AVEN: variants seen among roughly 807,000 people sequenced by gnomAD.
The protein encoded by AVEN is cell death regulator Aven.
AVEN carries 41 observed loss-of-function variants against 38.1 expected under a neutral mutation model. That is an observed-to-expected ratio of 1.08 (90% CI 0.84 to 1.40). The LOEUF (loss-of-function observed/expected upper bound fraction) is 1.40. Among genes scored for constraint, AVEN ranks in the 40% most tolerant of loss-of-function variants. The pLI is 0.00. For missense variants in AVEN, 605 were observed against 438.8 expected (o/e 1.38, Z -3.38); for synonymous variants, 206 against 171.8 (o/e 1.20, Z -1.56).
rs117591652 is a variant in AVEN at position 34,061,490 on chromosome 15, A to G, written n.1637+1432T>C. On this transcript the variant is annotated intron_variant and non_coding_transcript_variant, in intron 5 of 11. Transcript: ENST00000675287. ...AAGGCACCCATTTAAAATAATTATT[A>G]GTATATGCATAGGGGAAATTGTATT... Among the ~76,000 whole-genome samples, 38 of 152,344 alleles carry G rather than the reference A, an allele frequency of 2.5e-4. No individual in the cohort carries two copies. The East Asian group carries it at 6.7e-3, about 27-fold the overall frequency.
intron 2 of AVEN, among the ~76,000 whole-genome samples, chr15:33,917,503 G>A (rs949766545): frequency 7.8e-5 from 9 of 115,166 alleles, no homozygotes; most frequent in Non-Finnish European, 1.2e-4. Flanking sequence ...ATATACACAC[G>A]GAATAATTCA....
At chr15:33,869,452 G>T (rs918742819) in intron 4 of AVEN, among the ~76,000 whole-genome samples, 4 of 152,052 alleles carry the variant, frequency 2.6e-5, no homozygotes, top group Admixed American at 2.6e-4. Flanking sequence ...TTTCCCTGGT[G>T]AGTTCTGCTA....
chr15:33,895,881 G>C lies in AVEN; in HGVS notation c.446-19886C>G, dbSNP rs549295751. ...TTATATCCAGCCATGATGGAGGCTA[G>C]GGATCAAATGTACCCTCCTACCTGA... On this transcript the variant is annotated intron_variant, in intron 2 of 5. Coordinates refer to ENST00000306730, the MANE Select transcript of AVEN (RefSeq NM_020371.3). Among the ~76,000 whole-genome samples the C allele has an allele frequency of 7.9e-5, 12 of 152,240 alleles. No individual in the cohort carries two copies. The South Asian group carries it at 2.3e-3, about 29-fold the overall frequency.
At chr15:33,961,586 GGCGA>G (rs1323752743) in intron 2 of AVEN, among the ~76,000 whole-genome samples, 2 of 151,820 alleles carry the variant, frequency 1.3e-5, no homozygotes, top group African/African-American at 2.4e-5. Flanking sequence ...GGCCAAGGTG[GGCGA>G]ATCACGAGGT....
At chr15:34,038,644 C>G in intron 1 of AVEN, 136 bp downstream of exon 1, 1 of 777,760 alleles carries the variant, frequency 1.3e-6, no homozygotes, top group Non-Finnish European at 1.6e-6. Flanking sequence ...ACCATCCGCC[C>G]GTCCCGCGCA....
chr15:33,885,890 T>C (rs1405649081), intron 2 of AVEN, among the ~76,000 whole-genome samples: 1 of 152,172 alleles, frequency 6.6e-6, no homozygotes, highest in Non-Finnish European at 1.5e-5. Flanking sequence ...GTATATGACC[T>C]AGTAAAAATT....
At chr15:33,947,787 T>C (rs557878318) in intron 2 of AVEN, among the ~76,000 whole-genome samples, 1 of 152,340 alleles carries the variant, frequency 6.6e-6, no homozygotes, top group East Asian at 1.9e-4. Context: ...GGGTCAACTG[T>C]AATTAAATAA....
chr15:33,858,636 C>G (rs1185852757), downstream of AVEN: 2 of 62,748 alleles, frequency 3.2e-5, no homozygotes, highest in Non-Finnish European at 1.1e-4. Flanking sequence ...TTTCAGCAAG[C>G]CAGTCGGAGG....
At chr15:34,073,977 T>TTTC (rs1452622824) in intron 1 of AVEN, among the ~76,000 whole-genome samples, 3 of 13,974 alleles carry the variant, frequency 2.1e-4, no homozygotes, top group Admixed American at 8.5e-4. Flanking sequence ...AACTTTCTTT[T>TTTC]TTCTTCTTCT....
intron 2 of AVEN, among the ~76,000 whole-genome samples, chr15:33,923,137 A>G (rs997120780): frequency 2.5e-4 from 38 of 151,042 alleles, no homozygotes; most frequent in African/African-American, 9.2e-4. Flanking sequence ...AGGATAAGCT[A>G]AGAGAGAGAG....
In AVEN at chr15:34,071,077, A is replaced by T. The variant is rs1900614711; in HGVS notation, n.721-426T>A. Among the ~76,000 whole-genome samples, 2 of 152,182 alleles carry T rather than the reference A, an allele frequency of 1.3e-5. 1 individual carries two copies. Among genetic ancestry groups the T allele is most frequent in the South Asian group, 4.1e-4 (2 of 4,828 alleles). ...CTCATCCCACCCACCAGATGCCTCC[A>T]GTGATGCCTTCATGCTCCTGCTAAG... On this transcript the variant is annotated intron_variant and non_coding_transcript_variant, in intron 1 of 11. Transcript: ENST00000675287.
chr15:33,896,791 G>A (rs1158956489), intron 2 of AVEN, among the ~76,000 whole-genome samples: 3 of 152,124 alleles, frequency 2.0e-5, no homozygotes, highest in Non-Finnish European at 2.9e-5. Flanking sequence ...TCTGTTAAAT[G>A]TTCCTCCTCT....
At chr15:33,966,551 G>A (rs1476592684) in intron 2 of AVEN, among the ~76,000 whole-genome samples, 1 of 152,092 alleles carries the variant, frequency 6.6e-6, no homozygotes, top group South Asian at 2.1e-4. Context: ...CCTCAGCAGT[G>A]GCTTTGAGCT....
chr15:33,970,746 G>T (rs983991392), intron 2 of AVEN, among the ~76,000 whole-genome samples: 4 of 151,898 alleles, frequency 2.6e-5, no homozygotes, highest in Admixed American at 6.6e-5. Context: ...AATTAAAGGG[G>T]GCAGATAACA....
chr15:33,870,971 G>A lies in AVEN; in HGVS notation c.576C>T (p.Leu192=). 1 of 1,611,594 alleles carries A rather than the reference G, an allele frequency of 6.2e-7. No individual in the cohort carries two copies. Among genetic ancestry groups the A allele is most frequent in the East Asian group, 2.2e-5 (1 of 44,780 alleles). The stretch of plus-strand genomic sequence containing the variant: ...CGGCAGCAACGTTGAGTCGGAGGCA[G>A]AGAGGCAGCTCTTGAAGGGCTCGAA... The part of the protein sequence containing the change: ...LLVRALQELP[L]CLRLNVAAEL... The change falls in exon 4 of 6, where the codon CTC becomes CTT. Residue 192 remains leucine (L), a synonymous_variant. Transcript: ENST00000306730.
At chr15:33,878,112 A>C (rs1891326010) in intron 2 of AVEN, among the ~76,000 whole-genome samples, 1 of 152,236 alleles carries the variant, frequency 6.6e-6, no homozygotes, top group Non-Finnish European at 1.5e-5. Context: ...CTCAACAGTT[A>C]TCAAGATACC....
chr15:33,950,802 T>C (rs1205826860), intron 2 of AVEN, among the ~76,000 whole-genome samples: 1 of 152,190 alleles, frequency 6.6e-6, no homozygotes, highest in African/African-American at 2.4e-5. Context: ...AGCCAGCAGT[T>C]CAAAGCCAGC....
At chr15:33,938,858 G>A (rs1894202567) in intron 2 of AVEN, among the ~76,000 whole-genome samples, 1 of 152,026 alleles carries the variant, frequency 6.6e-6, no homozygotes, top group Non-Finnish European at 1.5e-5. Context: ...GGGATTGGCG[G>A]GGGGCAGAGT....
At position 33,931,591 on chromosome 15, in the gene AVEN, T is replaced by C. The variant is rs535243035; in HGVS notation, c.446-55596A>G. On this transcript the variant is annotated intron_variant, in intron 2 of 5. Coordinates refer to ENST00000306730, the MANE Select transcript of AVEN (RefSeq NM_020371.3). ...TTCACTGTGTTAGCCAGGATGGTCT[T>C]GATCTCCTGACCTCGTGATCTGCCC... Among the ~76,000 whole-genome samples, 91 of 152,088 alleles carry C rather than the reference T, an allele frequency of 6.0e-4. 1 individual carries two copies. The highest frequency in any genetic ancestry group is 3.5e-3 in the South Asian group (17 of 4,820).
Sources: allele counts gnomAD v4.1 joint callset (sites outside exome capture counted in the v4.1 genomes callset), GRCh38; gene constraint gnomAD v4.1.1; transcripts MANE v1.5; gene names NCBI Gene and HGNC (gene_info 2026-07-23, HGNC 2026-07-21).